The following TYW1B variants were observed in gnomAD, a reference collection of about 807,000 sequenced individuals.
The protein encoded by TYW1B is tRNA-yW synthesizing protein 1 homolog B.
TYW1B carries 73 observed loss-of-function variants against 86.9 expected under a neutral mutation model. The observed-to-expected ratio is 0.84, with a 90% CI of 0.70 to 1.02. The LOEUF (loss-of-function observed/expected upper bound fraction) is 1.02, where lower values mean the gene tolerates loss of function less well. Ranked by LOEUF, TYW1B falls within the 50% of genes least tolerant of loss-of-function variation. The pLI is 0.00. For missense variants in TYW1B, 637 were observed against 827.4 expected (o/e 0.77, Z 2.82); for synonymous variants, 248 against 292.8 (o/e 0.85, Z 1.56).
chr7:72,694,886 A>G (rs1814278553), intron 10 of TYW1B, 64 bp from the exon 11 acceptor site: 2 of 1,550,894 alleles, frequency 1.3e-6, no homozygotes, highest in Non-Finnish European at 1.7e-6. Context: ...TTTCCATGAT[A>G]TAAAACCTGT....
rs182898418 is a variant in TYW1B at position 72,628,581 on chromosome 7, C to T, written c.1617+306G>A. ...AAAGTCAACCAATTACTCACCACCA[C>T]ACTATTTTATTTCTCAGCATATTCA... is the stretch of plus-strand genomic sequence containing the variant. On this transcript the variant is annotated intron_variant, in intron 12 of 13. Coordinates refer to ENST00000620995, the MANE Select transcript of TYW1B (RefSeq NM_001145440.3). 9.2e-5 allele frequency among the ~76,000 whole-genome samples: 14 copies of T among 152,242 alleles called. No individual in the cohort carries two copies. The East Asian group carries it at 2.7e-3, about 29-fold the overall frequency.
chr7:72,753,581 A>C (rs1271710074), intron 7 of TYW1B, among the ~76,000 whole-genome samples: 1 of 151,342 alleles, frequency 6.6e-6, no homozygotes, highest in African/African-American at 2.4e-5. Flanking sequence ...CCCGGGTTCA[A>C]GTGATTCTCC....
At chr7:72,783,438 A>T (rs1189094655) in intron 6 of TYW1B, among the ~76,000 whole-genome samples, 1 of 151,876 alleles carries the variant, frequency 6.6e-6, no homozygotes, top group Non-Finnish European at 1.5e-5. Context: ...ATGAAGTAGA[A>T]TTTTAATATT....
intron 2 of TYW1B, among the ~76,000 whole-genome samples, chr7:72,824,539 G>C (rs1340595930): frequency 6.6e-6 from 1 of 152,000 alleles, no homozygotes; most frequent in Non-Finnish European, 1.5e-5. Context: ...TCAGGAGTTC[G>C]AGAGCAGCCT....
chr7:72,721,188 A>G (rs1254313001), intron 9 of TYW1B, among the ~76,000 whole-genome samples: 1 of 152,172 alleles, frequency 6.6e-6, no homozygotes, highest in African/African-American at 2.4e-5. Context: ...GCTATTGTGA[A>G]TAGTGCTGCA....
chr7:72,645,400 G>A (rs1184946895), intron 11 of TYW1B, among the ~76,000 whole-genome samples: 12 of 152,100 alleles, frequency 7.9e-5, no homozygotes, highest in Admixed American at 7.2e-4. Flanking sequence ...ATGACTGAAC[G>A]CAGAACACCC....
In TYW1B at chr7:72,597,637, A is replaced by T. The variant is rs1361341821; in HGVS notation, c.1785+19035T>A. ...CTCTGGGCAAGACAATTAAGAAAAG[A>T]TGAGATGAGACCAATAGTGACAATG... On this transcript the variant is annotated intron_variant, in intron 13 of 13. Transcript: ENST00000620995. Among the ~76,000 whole-genome samples, 9 of 152,256 alleles carry T rather than the reference A, an allele frequency of 5.9e-5. No individual in the cohort carries two copies. The East Asian group carries it at 1.7e-3, about 30-fold the overall frequency.
intron 7 of TYW1B, among the ~76,000 whole-genome samples, chr7:72,770,953 CTTTTTTTTTTTTTTTT>C (rs202136569): frequency 2.3e-5 from 2 of 87,482 alleles, no homozygotes; most frequent in African/African-American, 4.5e-5. Context: ...TATGAATTTC[CTTTTTTTTTTTTTTTT>C]TTTTTTTTTT....
chr7:72,618,302 C>T (rs1221122938), intron 12 of TYW1B, among the ~76,000 whole-genome samples: 2 of 148,628 alleles, frequency 1.3e-5, no homozygotes, highest in Admixed American at 6.8e-5. Flanking sequence ...CTGCAGCCTC[C>T]GCCTCCTGGG....
At chr7:72,711,734 GTC>G (rs1384644172) in intron 10 of TYW1B, among the ~76,000 whole-genome samples, 1 of 151,794 alleles carries the variant, frequency 6.6e-6, no homozygotes, top group Non-Finnish European at 1.5e-5. Context: ...TGATCCGCCC[GTC>G]TCAGCCTCCC....
chr7:72,612,494 C>A (rs1191698093), intron 13 of TYW1B, among the ~76,000 whole-genome samples: 8 of 152,108 alleles, frequency 5.3e-5, no homozygotes, highest in Non-Finnish European at 1.2e-4. Context: ...TGGTAAGAAG[C>A]GAGATACTGC....
chr7:72,720,494 T>A lies in TYW1B; in HGVS notation c.1193-6696A>T, dbSNP rs560966715. ...CAAACAAAATACAAGACAAAAAAAA[T>A]TCTTGATGATCAACTTTTTAAAGTA... On this transcript the variant is annotated intron_variant, in intron 9 of 13. Transcript: ENST00000620995. Among the ~76,000 whole-genome samples the A allele has an allele frequency of 1.4e-3, 208 of 152,184 alleles. 1 individual carries two copies. Among genetic ancestry groups the A allele is most frequent in the African/African-American group, 4.9e-3 (202 of 41,540 alleles).
At chr7:72,692,894 G>C (rs1379479786) in intron 11 of TYW1B, among the ~76,000 whole-genome samples, 1 of 152,120 alleles carries the variant, frequency 6.6e-6, no homozygotes, top group Non-Finnish European at 1.5e-5. Flanking sequence ...CCCTCCTGGG[G>C]AATAAGGTGA....
chr7:72,715,505 G>A (rs1190147184), intron 9 of TYW1B, among the ~76,000 whole-genome samples: 2 of 152,036 alleles, frequency 1.3e-5, no homozygotes, highest in Admixed American at 6.6e-5. Flanking sequence ...TGAAAGACTC[G>A]GAAAGAGTGT....
chr7:72,752,529 G>C (rs146668583), intron 7 of TYW1B, among the ~76,000 whole-genome samples: 1 of 152,028 alleles, frequency 6.6e-6, no homozygotes, highest in African/African-American at 2.4e-5. Context: ...TGAAGAGTTC[G>C]AGACCACTCT....
intron 13 of TYW1B, among the ~76,000 whole-genome samples, chr7:72,614,663 T>C (rs868907335): frequency 6.6e-5 from 10 of 150,834 alleles, no homozygotes; most frequent in African/African-American, 2.4e-4. Flanking sequence ...CACAGAGGTC[T>C]TGATAGTACC....
chr7:72,710,050 G>A (rs556782370), intron 10 of TYW1B, among the ~76,000 whole-genome samples: 5 of 152,218 alleles, frequency 3.3e-5, no homozygotes, highest in African/African-American at 7.2e-5. Context: ...AAATGTGCCC[G>A]GCATTTTGCT....
chr7:72,667,025 C>T (rs1316614134), intron 11 of TYW1B, among the ~76,000 whole-genome samples: 1 of 1,762 alleles, frequency 5.7e-4, no homozygotes, highest in African/African-American at 4.4e-3. Flanking sequence ...GAGCGAGACT[C>T]CGTCTCAAAA....
rs549660634 is a variant in TYW1B at position 72,595,898 on chromosome 7, G to A, written c.1786-20179C>T. Among the ~76,000 whole-genome samples the A allele has an allele frequency of 1.2e-4, 18 of 152,046 alleles. No homozygotes were observed. The East Asian group carries it at 1.9e-3, about 16-fold the overall frequency. ...TAATATTAAGATGTCAACACTGGCCGGGCACGGTGGCTCACACCTGTAATC... is the reference window on the plus strand; with the variant it reads ...TAATATTAAGATGTCAACACTGGCCAGGCACGGTGGCTCACACCTGTAATC... On this transcript the variant is annotated intron_variant, in intron 13 of 13. Transcript: ENST00000620995.
Sources: gnomAD v4.1 joint callset for allele counts (sites outside exome capture counted in the v4.1 genomes callset) on GRCh38, gnomAD v4.1.1 for gene constraint, MANE v1.5 for transcripts, NCBI Gene and HGNC (gene_info 2026-07-23, HGNC 2026-07-21) for gene names.